The following CARMIL1 variants were observed in gnomAD, a reference collection of about 807,000 sequenced individuals.
CARMIL1 encodes the protein F-actin-uncapping protein LRRC16A.
A neutral mutation model predicts 177.1 loss-of-function variants in CARMIL1; 90 were observed. That is an observed-to-expected ratio of 0.51 (90% CI 0.43 to 0.61). The LOEUF (loss-of-function observed/expected upper bound fraction) is 0.61, where lower values mean the gene tolerates loss of function less well. Among genes scored for constraint, CARMIL1 ranks in the 20% least tolerant of loss-of-function variants. CARMIL1 has a pLI of 0.00. For missense variants in CARMIL1, 1,380 were observed against 1,667.0 expected, an observed-to-expected ratio of 0.83 and a Z score of 3.00; for synonymous variants, 577 against 606.2, an observed-to-expected ratio of 0.95 and a Z score of 0.71.
At chr6:25,299,957 C>G (rs1371036035) in intron 2 of CARMIL1, among the ~76,000 whole-genome samples, 1 of 141,932 alleles carries the variant, frequency 7.0e-6, no homozygotes, top group Non-Finnish European at 1.5e-5. Context: ...CAGCCTGGGG[C>G]GACAGAGTGA....
At chr6:25,607,931 C>G (rs1481303502) in intron 35 of CARMIL1, among the ~76,000 whole-genome samples, 1 of 152,108 alleles carries the variant, frequency 6.6e-6, no homozygotes, top group Non-Finnish European at 1.5e-5. Context: ...AAACTTTTTC[C>G]CAAACCAAAG....
At chr6:25,603,606 A>G (rs1367164657) in intron 33 of CARMIL1, among the ~76,000 whole-genome samples, 2 of 152,200 alleles carry the variant, frequency 1.3e-5, no homozygotes, top group Non-Finnish European at 2.9e-5. Context: ...TAGGTTTGTC[A>G]GAAGCATGGG....
At chr6:25,280,137 G>A (rs1313889940) in intron 1 of CARMIL1, among the ~76,000 whole-genome samples, 1 of 152,208 alleles carries the variant, frequency 6.6e-6, no homozygotes, top group Non-Finnish European at 1.5e-5. Context: ...GATCCAGGTT[G>A]GCGAAAGAAG....
In CARMIL1 at chr6:25,356,682, A is replaced by G. The variant is rs181338048; in HGVS notation, c.139-63432A>G. ...AGTTCTTAATGCCCTCTGGCAGCCA[A>G]GTTCTTATCTTGGGGAGCTACATCA... On this transcript the variant is annotated intron_variant, in intron 2 of 36. Transcript: ENST00000329474. 1.8e-4 allele frequency among the ~76,000 whole-genome samples: 28 copies of G among 152,282 alleles called. No individual in the cohort carries two copies. In the East Asian group the frequency reaches 5.2e-3, roughly 28 times the overall value.
chr6:25,336,911 A>G (rs533218698), intron 2 of CARMIL1, among the ~76,000 whole-genome samples: 2 of 152,330 alleles, frequency 1.3e-5, no homozygotes, highest in South Asian at 4.1e-4. Flanking sequence ...TTTTCCTCAG[A>G]GTCACAAGCC....
At chr6:25,475,792 G>A (rs917214268) in intron 11 of CARMIL1, among the ~76,000 whole-genome samples, 8 of 152,220 alleles carry the variant, frequency 5.3e-5, no homozygotes, top group Admixed American at 1.3e-4. Context: ...TCCGCTTCAT[G>A]TTCTCTGAGG....
intron 2 of CARMIL1, among the ~76,000 whole-genome samples, chr6:25,332,157 A>G (rs774719505): frequency 6.6e-6 from 1 of 152,080 alleles, no homozygotes; most frequent in Non-Finnish European, 1.5e-5. Flanking sequence ...TTGCCTTTTG[A>G]CTTTTGTTGC....
In CARMIL1 at chr6:25,398,050, A is replaced by T. The variant is rs538313816; in HGVS notation, c.139-22064A>T. ...ATTTAAGAATATTAGAGGGGAAAAG[A>T]TTACATTTTCTAAAGAATTAGAAAA... On this transcript the variant is annotated intron_variant, in intron 2 of 36. Transcript: ENST00000329474. Among the ~76,000 whole-genome samples the T allele has an allele frequency of 5.9e-5, 9 of 152,274 alleles. No homozygotes were observed. The South Asian group carries it at 1.7e-3, about 28-fold the overall frequency.
chr6:25,442,933 G>C (rs1227057562), intron 5 of CARMIL1, among the ~76,000 whole-genome samples: 1 of 152,104 alleles, frequency 6.6e-6, no homozygotes, highest in Non-Finnish European at 1.5e-5. Flanking sequence ...CTACCATCAA[G>C]ATTAATTTAT....
At chr6:25,527,378 C>T (rs186544344) in intron 23 of CARMIL1, among the ~76,000 whole-genome samples, 1 of 152,300 alleles carries the variant, frequency 6.6e-6, no homozygotes, top group Admixed American at 6.5e-5. Flanking sequence ...AAGGCATGAG[C>T]CAGCCTTGGA....
At chr6:25,565,244 A>G (rs557826405) in intron 29 of CARMIL1, among the ~76,000 whole-genome samples, 60 of 152,306 alleles carry the variant, frequency 3.9e-4, no homozygotes, top group African/African-American at 1.4e-3. Context: ...TTTGTTTGTC[A>G]TTTATTTGTT....
At chr6:25,438,436 T>C (rs968871133) in intron 5 of CARMIL1, among the ~76,000 whole-genome samples, 1 of 152,212 alleles carries the variant, frequency 6.6e-6, no homozygotes, top group Non-Finnish European at 1.5e-5. Flanking sequence ...TTTGAGTAAG[T>C]GCTGTGAGAG....
At chr6:25,373,707 C>A (rs375985289) in intron 2 of CARMIL1, among the ~76,000 whole-genome samples, 1 of 151,812 alleles carries the variant, frequency 6.6e-6, no homozygotes, top group Non-Finnish European at 1.5e-5. Context: ...CTCAGCCTTC[C>A]GAGTAGCTGG....
intron 29 of CARMIL1, among the ~76,000 whole-genome samples, chr6:25,579,867 C>G (rs182744970): frequency 6.6e-6 from 1 of 152,252 alleles, no homozygotes; most frequent in East Asian, 1.9e-4. Flanking sequence ...CCAGTTTCTC[C>G]TTGGAGCTAA....
chr6:25,308,157 T>G (rs1320248557), intron 2 of CARMIL1, among the ~76,000 whole-genome samples: 1 of 152,234 alleles, frequency 6.6e-6, no homozygotes, highest in East Asian at 1.9e-4. Flanking sequence ...CTCTTAGCCC[T>G]TATTTCTTGT....
intron 2 of CARMIL1, among the ~76,000 whole-genome samples, chr6:25,319,764 C>CTTTTT (rs10625095): frequency 3.4e-5 from 4 of 118,712 alleles, no homozygotes; most frequent in South Asian, 2.8e-4. Context: ...CATTTGGTCA[C>CTTTTT]TTTTTTTTTT....
intron 15 of CARMIL1, 91 bp downstream of exon 15, chr6:25,492,115 A>G: frequency 7.6e-6 from 8 of 1,052,860 alleles, no homozygotes; most frequent in Non-Finnish European, 1.4e-6. Context: ...TAAAGGGTGA[A>G]TGTTGTATAT....
intron 2 of CARMIL1, among the ~76,000 whole-genome samples, chr6:25,297,683 T>G (rs6939467): frequency 1.3e-3 from 192 of 152,320 alleles, no homozygotes; most frequent in South Asian, 7.2e-3. Context: ...TCTGCAGAGA[T>G]TTAATGAAAG....
In CARMIL1 at chr6:25,326,090, G is replaced by A. The variant is rs1328712397; in HGVS notation, c.138+41181G>A. Among the ~76,000 whole-genome samples, 1 of 152,100 alleles carries A rather than the reference G, an allele frequency of 6.6e-6. No homozygotes were observed. Among genetic ancestry groups the A allele is most frequent in the Non-Finnish European group, 1.5e-5 (1 of 68,022 alleles). On this transcript the variant is annotated intron_variant, in intron 2 of 36. Transcript: ENST00000329474. This position sits in a 1 kb window ranked among gnomAD's most constrained non-coding sequence, Gnocchi z 4.2. ...TCACCGTGTTGGCCAGGATGGTGTC[G>A]ATTTCCTGACCTCGTGATCCGCCCA...
Sources: gnomAD v4.1 joint callset for allele counts (sites outside exome capture counted in the v4.1 genomes callset) on GRCh38, gnomAD v4.1.1 for gene constraint, Gnocchi (gnomAD v3.1) non-coding constraint, MANE v1.5 for transcripts, NCBI Gene and HGNC (gene_info 2026-07-23, HGNC 2026-07-21) for gene names.